Variants in TEX14 observed in about 807,000 individuals in gnomAD.
The protein encoded by TEX14 is testis expressed 14, intercellular bridge forming factor, also known as inactive serine/threonine-protein kinase TEX14.
In TEX14, 168 loss-of-function variants were observed where a neutral mutation model predicts 178.6. The observed-to-expected ratio is 0.94, with a 90% CI of 0.83 to 1.07. The LOEUF (loss-of-function observed/expected upper bound fraction) is 1.07. TEX14 is among the 50% of genes least tolerant of loss of function. The pLI, the probability that TEX14 is intolerant of heterozygous loss-of-function variation, is 0.00. For synonymous variants in TEX14, 626 were observed against 634.1 expected (o/e 0.99, Z 0.19); for missense variants, 1,730 against 1,753.6 (o/e 0.99, Z 0.24).
chr17:58,661,786 C>G, intron 1 of TEX14: 1 of 514,858 alleles, frequency 1.9e-6, no homozygotes, highest in Non-Finnish European at 3.4e-6. Flanking sequence ...AATCGCTGCT[C>G]CACTCCGGGT....
intron 20 of TEX14, among the ~76,000 whole-genome samples, chr17:58,578,498 A>C (rs1476448285): frequency 6.6e-6 from 1 of 152,134 alleles, no homozygotes; most frequent in African/African-American, 2.4e-5. Context: ...GGAAGGGGAT[A>C]TATATCAGAA....
chr17:58,651,185 G>A (rs2046832587), intron 2 of TEX14, among the ~76,000 whole-genome samples: 1 of 152,192 alleles, frequency 6.6e-6, no homozygotes, highest in Admixed American at 6.5e-5. Context: ...GCTGAGGCAG[G>A]AGAATCACCT....
At chr17:58,611,383 G>T (rs757848109) in intron 9 of TEX14, 44 bp from the exon 10 acceptor site, 2 of 1,423,534 alleles carry the variant, frequency 1.4e-6, no homozygotes, top group South Asian at 2.3e-5. Context: ...AAAGGACTGG[G>T]GCCCTGACAC....
chr17:58,601,833 T>C lies in TEX14; in HGVS notation c.1651A>G (p.Met551Val), dbSNP rs139901522. ...TSEHPRETPD[M>V]EIIELKEMGS... ...ATTTCCTTTAGTTCTATGATTTCCATGTCAGGTGTCTCTCTGGGGTGTTCT... is the reference window on the plus strand; with the variant it reads ...ATTTCCTTTAGTTCTATGATTTCCACGTCAGGTGTCTCTCTGGGGTGTTCT... The change falls in exon 13 of 32, where the codon ATG (methionine) becomes GTG (valine). Residue 551 changes from methionine (M) to valine (V), a missense_variant. Around this residue, in one of 2 missense-constraint regions of TEX14, gnomAD observed 941 missense variants for 1,072.4 expected, o/e 0.88. Coordinates refer to ENST00000349033, the MANE Select transcript of TEX14 (RefSeq NM_031272.5). The C allele has an allele frequency of 8.6e-5, 138 of 1,613,188 alleles. No homozygotes were observed. Among genetic ancestry groups the C allele is most frequent in the Non-Finnish European group, 1.0e-4 (121 of 1,179,992 alleles).
chr17:58,606,173 C>A (rs1477957421), intron 10 of TEX14, among the ~76,000 whole-genome samples: 1 of 152,160 alleles, frequency 6.6e-6, no homozygotes, highest in African/African-American at 2.4e-5. Context: ...TAAGTCAGAG[C>A]ATCCTAAATG....
At chr17:58,582,381 T>C (rs867117498) in intron 19 of TEX14, among the ~76,000 whole-genome samples, 1 of 152,004 alleles carries the variant, frequency 6.6e-6, no homozygotes, top group South Asian at 2.1e-4. Context: ...TGCCTCAGCC[T>C]CCTGAGTAGC....
At chr17:58,617,194 T>A (rs2144532529) in intron 6 of TEX14, among the ~76,000 whole-genome samples, 1 of 152,148 alleles carries the variant, frequency 6.6e-6, no homozygotes, top group East Asian at 1.9e-4. Context: ...GTTGCAGCAG[T>A]GAGCCAAGAT....
rs2046002336 is a variant in TEX14 at position 58,621,731 on chromosome 17, A to T, written c.473T>A (p.Phe158Tyr). The T allele has an allele frequency of 6.2e-7, 1 of 1,614,202 alleles. No homozygotes were observed. The highest frequency in any genetic ancestry group is 8.5e-7 in the Non-Finnish European group (1 of 1,180,026). Residue 158 changes from phenylalanine (F) to tyrosine (Y), a missense_variant, in exon 5 of 32, where the codon TTC (phenylalanine) becomes TAC (tyrosine). Transcript: ENST00000349033. The stretch of plus-strand genomic sequence containing the variant: ...TATCTTCTTCAGGAGGTCGTAAGAG[A>T]AGCCCTGGATGATGGCCTGCATGTG... ...ASHMQAIIQG[F>Y]SYDLLKKIDS...
chr17:58,651,927 A>G lies in TEX14; in HGVS notation c.75T>C (p.Ala25=). 1 of 1,613,414 alleles carries G rather than the reference A, an allele frequency of 6.2e-7. No individual in the cohort carries two copies. The highest frequency in any genetic ancestry group is 8.5e-7 in the Non-Finnish European group (1 of 1,179,884). ...CTTGTTTGACATACTCATGAAGCTG[A>G]GCTTCCAGGGAGTCATTTCTTAAGG... is the stretch of plus-strand genomic sequence containing the variant. The part of the protein sequence containing the change: ...LGTLRNDSLE[A]QLHEYVKQGN... The change falls in exon 2 of 32, where the codon GCT becomes GCC. Residue 25 remains alanine (A), a synonymous_variant. Transcript: ENST00000349033.
chr17:58,647,773 C>A (rs368863295), intron 2 of TEX14, among the ~76,000 whole-genome samples: 1 of 152,066 alleles, frequency 6.6e-6, no homozygotes, highest in East Asian at 1.9e-4. Context: ...TGGCTCACTG[C>A]AACTTCCACC....
chr17:58,628,565 A>T (rs1404222884), intron 3 of TEX14, among the ~76,000 whole-genome samples: 1 of 152,140 alleles, frequency 6.6e-6, no homozygotes, highest in Non-Finnish European at 1.5e-5. Context: ...ATAAAACATT[A>T]GCTGGGTGTG....
intron 14 of TEX14, among the ~76,000 whole-genome samples, chr17:58,598,033 G>A (rs1194230870): frequency 6.6e-6 from 1 of 152,044 alleles, no homozygotes; most frequent in Non-Finnish European, 1.5e-5. Flanking sequence ...CAGAGTCTAG[G>A]CCAGGCAAGG....
chr17:58,612,274 C>T lies in TEX14; in HGVS notation c.1006-935G>A, dbSNP rs17175389. On this transcript the variant is annotated intron_variant, in intron 9 of 31. Coordinates refer to ENST00000349033, the MANE Select transcript of TEX14 (RefSeq NM_031272.5). ...GTGTCTGTATTTTCTGGGTCCACTG[C>T]GCTCTTAGATGTCTGATCAAGAAGC... is the stretch of plus-strand genomic sequence containing the variant. 7.5e-3 allele frequency among the ~76,000 whole-genome samples: 1,136 copies of T among 152,226 alleles called. 5 individuals carry two copies. The highest frequency in any genetic ancestry group is 0.011 in the Non-Finnish European group (766 of 68,004).
chr17:58,681,183 G>A (rs1011184195), intron 1 of TEX14, among the ~76,000 whole-genome samples: 6 of 152,096 alleles, frequency 3.9e-5, no homozygotes, highest in African/African-American at 1.2e-4. Context: ...CAGGAGAATC[G>A]CCTGAACCCA....
At chr17:58,661,766 G>A in intron 1 of TEX14, 1 of 546,146 alleles carries the variant, frequency 1.8e-6, no homozygotes, top group Non-Finnish European at 3.2e-6. Flanking sequence ...AGTCGGTTGT[G>A]CCGGGTCTGA....
chr17:58,622,817 G>C, intron 4 of TEX14, 30 bp downstream of exon 4: 2 of 1,582,788 alleles, frequency 1.3e-6, no homozygotes, highest in South Asian at 2.2e-5. Context: ...CTTCTAGTGG[G>C]CATGGCTACA....
Position 58,621,704 on chromosome 17 carries a change from T to C in TEX14, c.500A>G (p.Asp167Gly), listed in dbSNP as rs2046001356. The change falls in exon 5 of 32, where the codon GAC (aspartate) becomes GGC (glycine). Residue 167 changes from aspartate to glycine, a missense_variant. Transcript: ENST00000349033. ...GFSYDLLKKI[D>G]SPQRLVYSPS... is the part of the protein sequence containing the mutation. ...GCTGTAGACAAGCCGCTGCGGGGAGTCTATCTTCTTCAGGAGGTCGTAAGA... is the reference window on the plus strand; with the variant it reads ...GCTGTAGACAAGCCGCTGCGGGGAGCCTATCTTCTTCAGGAGGTCGTAAGA... 4 of 1,613,730 alleles carry C rather than the reference T, an allele frequency of 2.5e-6. No individual in the cohort carries two copies. In the African/African-American group the frequency reaches 4.0e-5, roughly 16 times the overall value.
At chr17:58,568,658 G>A (rs146655157) in intron 26 of TEX14, among the ~76,000 whole-genome samples, 201 of 152,336 alleles carry the variant, frequency 1.3e-3, no homozygotes, top group South Asian at 2.9e-3. Flanking sequence ...CAGCCAATCA[G>A]CTGCAAATAA....
rs116585565 is a variant in TEX14, at chr17:58,564,366, C to T, written c.4064+503G>A. ...AAGGAAATGCTGACACGTGCTACAA[C>T]ACAGATGAACTTTGAGGACATTACG... is the stretch of plus-strand genomic sequence containing the variant. On this transcript the variant is annotated intron_variant, in intron 28 of 31. Coordinates refer to ENST00000349033, the MANE Select transcript of TEX14 (RefSeq NM_031272.5). The T allele has an allele frequency of 1.3e-5, 2 of 152,248 alleles. 1 individual carries two copies. Among genetic ancestry groups the T allele is most frequent in the Admixed American group, 1.3e-4 (2 of 15,278 alleles). 9.4% of individuals were successfully genotyped at this position (152,248 alleles called of 1,614,324 possible).
Sources: gnomAD v4.1 joint callset for allele counts (sites outside exome capture counted in the v4.1 genomes callset) on GRCh38, gnomAD v4.1.1 for gene constraint, gnomAD v4.1.1 regional missense constraint, MANE v1.5 for transcripts, NCBI Gene and HGNC (gene_info 2026-07-23, HGNC 2026-07-21) for gene names.